The following C1orf21 variants were observed in gnomAD, a reference collection of about 807,000 sequenced individuals.
C1orf21 encodes chromosome 1 open reading frame 21.
A neutral mutation model predicts 18.7 loss-of-function variants in C1orf21; 3 were observed. The observed-to-expected ratio is 0.16, with a 90% CI of 0.07 to 0.42. The LOEUF (loss-of-function observed/expected upper bound fraction) is 0.42. Among genes scored for constraint, C1orf21 ranks in the 10% least tolerant of loss-of-function variants. The pLI, the probability that C1orf21 is intolerant of heterozygous loss-of-function variation, is 0.99. For missense variants in C1orf21, 104 were observed against 143.6 expected (o/e 0.72, Z 1.41); for synonymous variants, 41 against 46.4 (o/e 0.88, Z 0.47).
chr1:184,446,414 G>A (rs185016832), intron 1 of C1orf21, among the ~76,000 whole-genome samples: 16 of 151,850 alleles, frequency 1.1e-4, no homozygotes, highest in Admixed American at 3.3e-4. Flanking sequence ...CTTTTGTGTC[G>A]TCTGATCGAG....
chr1:184,593,733 G>A (rs930474744), intron 4 of C1orf21, among the ~76,000 whole-genome samples: 4 of 152,176 alleles, frequency 2.6e-5, no homozygotes, highest in Non-Finnish European at 4.4e-5. Flanking sequence ...TAACCCAGAT[G>A]CCTTTAACAG....
rs534803944 is a variant in C1orf21, at chr1:184,575,997, G to A, written c.190-14742G>A. On this transcript the variant is annotated intron_variant, in intron 3 of 5. Transcript: ENST00000235307. ...AAGGTGACAAGCAAAAATGGGAGAC[G>A]GGGACAGAGGGCATTGCTTGACTCC... Among the ~76,000 whole-genome samples the A allele has an allele frequency of 5.9e-5, 9 of 152,266 alleles. No homozygotes were observed. The South Asian group carries it at 1.7e-3, about 28-fold the overall frequency.
chr1:184,396,313 T>C (rs182195877), intron 1 of C1orf21, among the ~76,000 whole-genome samples: 145 of 152,120 alleles, frequency 9.5e-4, no homozygotes, highest in African/African-American at 3.3e-3. Context: ...TCAGAACAAG[T>C]GAACTGTAGT....
At chr1:184,579,842 G>T (rs1232542170) in intron 3 of C1orf21, among the ~76,000 whole-genome samples, 1 of 152,130 alleles carries the variant, frequency 6.6e-6, no homozygotes. Context: ...GACTCCTTGT[G>T]TGAAAGATTT....
intron 3 of C1orf21, among the ~76,000 whole-genome samples, chr1:184,558,632 G>A (rs778546991): frequency 3.3e-5 from 5 of 152,186 alleles, no homozygotes; most frequent in Non-Finnish European, 7.3e-5. Flanking sequence ...GGGAACTCTC[G>A]GGTCACCAGG....
intron 1 of C1orf21, among the ~76,000 whole-genome samples, chr1:184,429,896 CAGA>C (rs1418867648): frequency 7.9e-5 from 12 of 151,974 alleles, no homozygotes; most frequent in Non-Finnish European, 7.4e-5. Context: ...ATCATGAGGT[CAGA>C]AGATCGAGAC....
chr1:184,481,634 C>T (rs929958728), intron 2 of C1orf21, among the ~76,000 whole-genome samples: 11 of 152,098 alleles, frequency 7.2e-5, no homozygotes, highest in Admixed American at 3.3e-4. Flanking sequence ...CATAAAGCGT[C>T]GTTTAAGGCC....
chr1:184,598,572 G>A (rs533993554), intron 5 of C1orf21, 111 bp downstream of exon 5: 1 of 1,081,964 alleles, frequency 9.2e-7, no homozygotes, highest in East Asian at 2.6e-5. Context: ...TTTTGTGAAG[G>A]TTTGGGTGGA....
At chr1:184,528,776 C>T (rs1184411088) in intron 3 of C1orf21, among the ~76,000 whole-genome samples, 1 of 152,168 alleles carries the variant, frequency 6.6e-6, no homozygotes, top group Non-Finnish European at 1.5e-5. Flanking sequence ...TGTGTAAAAG[C>T]ACATCAAATT....
chr1:184,397,846 T>C (rs1656085608), intron 1 of C1orf21, among the ~76,000 whole-genome samples: 1 of 152,206 alleles, frequency 6.6e-6, no homozygotes, highest in Non-Finnish European at 1.5e-5. Context: ...TAAAAATACA[T>C]GGGTATTTAC....
intron 3 of C1orf21, chr1:184,540,246 A>G (rs1658626582): frequency 6.6e-6 from 1 of 152,208 alleles, no homozygotes; most frequent in East Asian, 1.9e-4. Flanking sequence ...TATTAGTTCA[A>G]TTTAGTTGTT....
intron 1 of C1orf21, among the ~76,000 whole-genome samples, chr1:184,473,584 G>A (rs763546675): frequency 1.1e-4 from 17 of 152,136 alleles, no homozygotes; most frequent in Non-Finnish European, 1.9e-4. Flanking sequence ...TCAGTGTGAG[G>A]TCTCAGTTGG....
At chr1:184,535,151 G>A (rs942066025) in intron 3 of C1orf21, among the ~76,000 whole-genome samples, 4 of 152,192 alleles carry the variant, frequency 2.6e-5, no homozygotes, top group Non-Finnish European at 4.4e-5. Context: ...AGGGAACTAC[G>A]ATCTGTTGTA....
chr1:184,458,827 C>T (rs1657260711), intron 1 of C1orf21, among the ~76,000 whole-genome samples: 1 of 152,076 alleles, frequency 6.6e-6, no homozygotes, highest in African/African-American at 2.4e-5. Flanking sequence ...GAAGGTAAAA[C>T]TCTAAAAAGG....
chr1:184,408,838 C>G (rs1335210581), intron 1 of C1orf21, among the ~76,000 whole-genome samples: 1 of 152,120 alleles, frequency 6.6e-6, no homozygotes, highest in African/African-American at 2.4e-5. Context: ...CGCCTTTTCT[C>G]CAGCATCCCA....
At chr1:184,467,079 T>C (rs1441070020) in intron 1 of C1orf21, among the ~76,000 whole-genome samples, 1 of 152,200 alleles carries the variant, frequency 6.6e-6, no homozygotes, top group Non-Finnish European at 1.5e-5. Context: ...ATAAACATTT[T>C]TAAATTTAGT....
At chr1:184,507,816 C>A in intron 3 of C1orf21, 134 bp downstream of exon 3, 1 of 687,196 alleles carries the variant, frequency 1.5e-6, no homozygotes, top group Non-Finnish European at 2.3e-6. Flanking sequence ...TTATAGCTTG[C>A]CTGGAAGCTG....
At chr1:184,562,594 G>A (rs1216043331) in intron 3 of C1orf21, among the ~76,000 whole-genome samples, 1 of 152,200 alleles carries the variant, frequency 6.6e-6, no homozygotes, top group Non-Finnish European at 1.5e-5. Context: ...GAATAATTAA[G>A]GCAACATAGT....
intron 3 of C1orf21, among the ~76,000 whole-genome samples, chr1:184,520,846 C>A (rs1419048107): frequency 1.3e-5 from 2 of 152,138 alleles, no homozygotes; most frequent in Admixed American, 6.5e-5. Context: ...GCATAAACCC[C>A]ATAACAATCA....
Sources: gnomAD v4.1 joint callset for allele counts (sites outside exome capture counted in the v4.1 genomes callset) on GRCh38, gnomAD v4.1.1 for gene constraint, MANE v1.5 for transcripts, NCBI Gene and HGNC (gene_info 2026-07-23, HGNC 2026-07-21) for gene names.